Variants in SPMIP8 observed in about 807,000 individuals in gnomAD.
The protein encoded by SPMIP8 is testicular tissue protein Li 196.
chr16:57,982,498 G>C, the SPMIP8 span, among the ~76,000 whole-genome samples: 1 of 152,148 alleles, frequency 6.6e-6, no homozygotes. Flanking sequence ...TTCTTATCTT[G>C]TTAATCTATT....
chr16:57,979,924 C>T, the SPMIP8 span, among the ~76,000 whole-genome samples: 4 of 152,152 alleles, frequency 2.6e-5, no homozygotes, highest in East Asian at 3.9e-4. Flanking sequence ...AAAAATTAGC[C>T]GGGCGGGGTG....
At chr16:57,984,399 A>AG in the SPMIP8 span, 4 of 1,612,568 alleles carry the variant, frequency 2.5e-6, no homozygotes, top group Non-Finnish European at 3.4e-6. Context: ...GGGTTTGCTA[A>AG]GGGGCACCAG....
chr16:57,985,275 G>T, the SPMIP8 span: 12 of 1,557,300 alleles, frequency 7.7e-6, no homozygotes, highest in African/African-American at 2.8e-5. Context: ...CGGGTAGGGA[G>T]CGCTGCGCGC....
the SPMIP8 span, chr16:57,985,240 G>A: frequency 6.4e-7 from 1 of 1,557,000 alleles, no homozygotes; most frequent in Middle Eastern, 1.8e-4. Context: ...TGCGGTACTT[G>A]AAGCCCGACG....
At chr16:57,981,005 AC>A in the SPMIP8 span, among the ~76,000 whole-genome samples, 1 of 152,178 alleles carries the variant, frequency 6.6e-6, no homozygotes, top group African/African-American at 2.4e-5. Flanking sequence ...GTGAGCTACC[AC>A]GACCAGCCTG....
At chr16:57,986,070 C>G in the SPMIP8 span, 1 of 1,207,366 alleles carries the variant, frequency 8.3e-7, no homozygotes. Context: ...GAGGGGCCCT[C>G]CTGGGAGGGC....
chr16:57,984,427 C>A, the SPMIP8 span: 3 of 1,569,416 alleles, frequency 1.9e-6, no homozygotes, highest in Non-Finnish European at 2.6e-6. Context: ...CACCTCTGGT[C>A]CTGGGATCTA....
chr16:57,986,152 G>A, the SPMIP8 span: 1 of 509,120 alleles, frequency 2.0e-6, no homozygotes, highest in Non-Finnish European at 3.3e-6. Flanking sequence ...GTGGACGCGG[G>A]AGGGGGTCCA....
the SPMIP8 span, chr16:57,986,126 G>A: frequency 3.1e-6 from 2 of 643,326 alleles, no homozygotes; most frequent in Non-Finnish European, 4.8e-6. Flanking sequence ...CAAATGTGCA[G>A]CCCACTGGGG....
the SPMIP8 span, chr16:57,976,601 G>T: frequency 6.2e-7 from 1 of 1,613,908 alleles, no homozygotes; most frequent in Non-Finnish European, 8.5e-7. Context: ...TGTGCACCTG[G>T]GCCTGGGCCC....
chr16:57,977,854 G>A, the SPMIP8 span: 2 of 1,613,982 alleles, frequency 1.2e-6, no homozygotes, highest in African/African-American at 1.3e-5. Flanking sequence ...TGGGACGATG[G>A]CTCCACACAT....
At chr16:57,977,833 A>G in the SPMIP8 span, 1 of 1,613,648 alleles carries the variant, frequency 6.2e-7, no homozygotes, top group Non-Finnish European at 8.5e-7. Context: ...CGCATCATTG[A>G]CCTGGTGCCC....
At chr16:57,985,404 G>A in the SPMIP8 span, 2 of 1,611,076 alleles carry the variant, frequency 1.2e-6, no homozygotes, top group African/African-American at 2.7e-5. Flanking sequence ...TCTCTAGCAG[G>A]AAGCCCTGTG....
the SPMIP8 span, chr16:57,987,604 C>CCT: frequency 1.5e-6 from 1 of 657,900 alleles, no homozygotes; most frequent in Non-Finnish European, 2.3e-6. Flanking sequence ...TGTTGCACAG[C>CCT]CTGGGAGAGG....
the SPMIP8 span, chr16:57,985,582 G>A: frequency 6.4e-7 from 1 of 1,560,906 alleles, no homozygotes; most frequent in Admixed American, 1.9e-5. Flanking sequence ...CCCCATATCT[G>A]GAGGAGGGAG....
chr16:57,985,593 G>A, the SPMIP8 span: 1 of 1,551,732 alleles, frequency 6.4e-7, no homozygotes. Flanking sequence ...GAGGAGGGAG[G>A]ATGAGGTCTG....
the SPMIP8 span, chr16:57,986,262 C>G: frequency 3.1e-6 from 1 of 326,062 alleles, no homozygotes; most frequent in Non-Finnish European, 5.6e-6. Context: ...GGGAGAGAGC[C>G]GAGAATCTGC....
the SPMIP8 span, among the ~76,000 whole-genome samples, chr16:57,981,425 T>A: frequency 0.014 from 2,018 of 140,740 alleles, 64 homozygotes; most frequent in African/African-American, 0.052. Flanking sequence ...TTATTATTAT[T>A]ATTATTATAA....
At chr16:57,985,039 G>T in the SPMIP8 span, 2 of 1,086,398 alleles carry the variant, frequency 1.8e-6, no homozygotes, top group Non-Finnish European at 2.5e-6. Flanking sequence ...CTTCGGGCCG[G>T]GGGCTTTGCC....
Sources: gnomAD v4.1 joint callset for allele counts (sites outside exome capture counted in the v4.1 genomes callset) on GRCh38, gnomAD v4.1.1 for gene constraint, MANE v1.5 for transcripts, NCBI Gene and HGNC (gene_info 2026-07-23, HGNC 2026-07-21) for gene names.